Variants in XPO7 observed in about 807,000 individuals in gnomAD.
XPO7 encodes the protein exportin 7, also known as exportin-7.
XPO7 carries 21 observed loss-of-function variants against 144.3 expected under a neutral mutation model. The observed-to-expected ratio is 0.15, with a 90% confidence interval of 0.10 to 0.21. The LOEUF is 0.21. Ranked by LOEUF, XPO7 falls within the 10% of genes least tolerant of loss-of-function variation. The pLI is 1.00. For synonymous variants in XPO7, 580 were observed against 499.6 expected, an observed-to-expected ratio of 1.16 and a Z score of -2.15; for missense variants, 808 against 1,325.8, an observed-to-expected ratio of 0.61 and a Z score of 6.06.
intron 21 of XPO7, among the ~76,000 whole-genome samples, chr8:21,996,051 G>A (rs925570432): frequency 2.0e-5 from 3 of 152,138 alleles, no homozygotes; most frequent in Non-Finnish European, 4.4e-5. Context: ...TCCTGACCTC[G>A]TGATCCGCGT....
chr8:21,982,294 AT>A (rs914517653), intron 10 of XPO7, among the ~76,000 whole-genome samples: 1 of 152,142 alleles, frequency 6.6e-6, no homozygotes, highest in Non-Finnish European at 1.5e-5. Flanking sequence ...CTTGAGTCTT[AT>A]CCCCATAATT....
intron 15 of XPO7, chr8:21,988,344 G>A (rs117177873): frequency 0.017 from 2,689 of 157,356 alleles, 94 homozygotes; most frequent in South Asian, 0.16. Context: ...GCTGCTGTTT[G>A]AACTGTCTTC....
At chr8:21,977,198 C>T (rs571433802) in intron 7 of XPO7, among the ~76,000 whole-genome samples, 1 of 152,164 alleles carries the variant, frequency 6.6e-6, no homozygotes, top group African/African-American at 2.4e-5. Context: ...GTTTTAAATT[C>T]TTTTTATGGA....
Position 22,006,080 on chromosome 8 carries a change from TGTGTGGATGTATGC to T in XPO7, c.*1001_*1014del, listed in dbSNP as rs1336438481. The T allele has an allele frequency of 1.3e-5, 2 of 152,216 alleles. No individual in the cohort carries two copies. Among genetic ancestry groups the T allele is most frequent in the Non-Finnish European group, 2.9e-5 (2 of 68,028 alleles). 9.4% of individuals were successfully genotyped at this position (152,216 alleles called of 1,614,324 possible). ...GTCTTCCCCAGCCCTCGAGGCAGTG[TGTGTGGATGTATGC>T]GTGTGGATATTTATATATGTACCCT... On this transcript the variant is annotated 3_prime_UTR_variant, in exon 28 of 28. Transcript: ENST00000252512.
At chr8:21,989,803 G>C (rs189313598) in intron 16 of XPO7, among the ~76,000 whole-genome samples, 1 of 93,134 alleles carries the variant, frequency 1.1e-5, no homozygotes. Flanking sequence ...ACAAATAGGA[G>C]TTTGGTATAG....
chr8:21,987,305 G>A lies in XPO7; in HGVS notation c.1713+29G>A, dbSNP rs1158643213. ...ACAGCCTCTCAATTGGCTCCCCTTAGTTCTCACTTCTCACTTGTGGGATTG... is the reference window on the plus strand; with the variant it reads ...ACAGCCTCTCAATTGGCTCCCCTTAATTCTCACTTCTCACTTGTGGGATTG... On this transcript the variant is annotated intron_variant, in intron 14 of 27. Coordinates refer to ENST00000252512, the MANE Select transcript of XPO7 (RefSeq NM_015024.5). 4 of 1,613,254 alleles carry A rather than the reference G, an allele frequency of 2.5e-6. No individual in the cohort carries two copies. The African/African-American group carries it at 5.3e-5, about 22-fold the overall frequency.
Position 21,971,778 on chromosome 8 carries a change from T to C in XPO7, c.427-98T>C. The C allele has an allele frequency of 2.2e-6, 2 of 903,594 alleles. 1 individual carries two copies. The highest frequency in any genetic ancestry group is 3.3e-6 in the Non-Finnish European group (2 of 606,916). The allele number at this position is 903,594 out of a possible 1,614,324, so 56.0% of individuals were successfully genotyped here. A position where few individuals can be genotyped will look rare whatever the true frequency, so the allele number is the denominator to read the frequency against. On this transcript the variant is annotated intron_variant, in intron 4 of 27. Coordinates refer to ENST00000252512, the MANE Select transcript of XPO7 (RefSeq NM_015024.5). Reference sequence around the variant, plus strand: ...TGCCTTGTCTAGGCAGTTTTACTAATGACACAGGAACCCGTCATTCGAAAG... The same window carrying C: ...TGCCTTGTCTAGGCAGTTTTACTAACGACACAGGAACCCGTCATTCGAAAG...
intron 1 of XPO7, among the ~76,000 whole-genome samples, chr8:21,942,091 A>G (rs1811011578): frequency 6.6e-6 from 1 of 152,238 alleles, no homozygotes; most frequent in Non-Finnish European, 1.5e-5. Flanking sequence ...ACATTGCAAT[A>G]CTGGAGAAGA....
At chr8:21,946,551 AGAG>A (rs1811193578) in intron 1 of XPO7, among the ~76,000 whole-genome samples, 3 of 144,548 alleles carry the variant, frequency 2.1e-5, no homozygotes, top group Admixed American at 2.1e-4. Context: ...GAAAGACACT[AGAG>A]GAGAGGCTTT....
intron 16 of XPO7, among the ~76,000 whole-genome samples, chr8:21,989,872 T>C (rs1406769905): frequency 8.2e-6 from 1 of 122,390 alleles, no homozygotes; most frequent in Non-Finnish European, 1.6e-5. Flanking sequence ...TTTTTTGAGA[T>C]GGAGTCTTGC....
intron 19 of XPO7, among the ~76,000 whole-genome samples, chr8:21,993,927 C>CTCTCTCTCTCTCTG (rs1812851427): frequency 6.6e-6 from 1 of 151,162 alleles, no homozygotes; most frequent in South Asian, 2.1e-4. Flanking sequence ...CTCTCTCTCT[C>CTCTCTCTCTCTCTG]TCTCTCTCTC....
chr8:21,979,935 C>T (rs1812348686), intron 8 of XPO7, 149 bp from the exon 9 acceptor site: 1 of 1,014,650 alleles, frequency 9.9e-7, no homozygotes, highest in African/African-American at 1.7e-5. Context: ...CCGTGGTCTG[C>T]TTGGATCTAT....
In XPO7 at chr8:21,994,457, C is replaced by G. The variant is rs769339299; in HGVS notation, c.2237+6C>G. ...ATGATGCTCTTTGAATGGATGTATCCTAACTCAAACTAGGAGCACACTACA... is the reference window on the plus strand; with the variant it reads ...ATGATGCTCTTTGAATGGATGTATCGTAACTCAAACTAGGAGCACACTACA... On this transcript the variant is annotated splice_donor_region_variant and intron_variant, in intron 20 of 27. Transcript: ENST00000252512. 1 of 1,607,908 alleles carries G rather than the reference C, an allele frequency of 6.2e-7. No individual in the cohort carries two copies. Among genetic ancestry groups the G allele is most frequent in the South Asian group, 1.1e-5 (1 of 90,540 alleles).
At chr8:21,987,996 G>T (rs1812637525) in intron 15 of XPO7, 139 bp downstream of exon 15, 1 of 876,046 alleles carries the variant, frequency 1.1e-6, no homozygotes, top group Admixed American at 2.5e-5. Context: ...ATTTGAGTGT[G>T]TGACAAGCTG....
chr8:22,003,158 C>T (rs1813210232), intron 25 of XPO7, 61 bp from the exon 26 acceptor site: 3 of 1,328,160 alleles, frequency 2.3e-6, no homozygotes, highest in Non-Finnish European at 1.1e-6. Context: ...TGGAATCTGT[C>T]GTTTTATCTT....
chr8:21,965,997 A>G (rs144322575), intron 1 of XPO7, among the ~76,000 whole-genome samples: 65 of 152,166 alleles, frequency 4.3e-4, no homozygotes, highest in African/African-American at 1.5e-3. Context: ...GTGAAAGGTG[A>G]TATTGAAGTA....
intron 1 of XPO7, among the ~76,000 whole-genome samples, chr8:21,943,685 G>C (rs916568335): frequency 6.6e-6 from 1 of 152,018 alleles, no homozygotes; most frequent in Non-Finnish European, 1.5e-5. Flanking sequence ...GAGAATTCTT[G>C]TTTTCTCACC....
At chr8:21,960,645 C>A (rs1811696895) in intron 1 of XPO7, among the ~76,000 whole-genome samples, 2 of 152,222 alleles carry the variant, frequency 1.3e-5, no homozygotes, top group African/African-American at 4.8e-5. Context: ...ACGCCAGGCT[C>A]TGGCATAGCA....
At chr8:21,997,579 T>A (rs1305902180) in intron 21 of XPO7, among the ~76,000 whole-genome samples, 1 of 151,984 alleles carries the variant, frequency 6.6e-6, no homozygotes, top group Admixed American at 6.6e-5. Context: ...GGGGAGGCTG[T>A]GGGAGCAGGT....
Sources: allele counts gnomAD v4.1 joint callset (sites outside exome capture counted in the v4.1 genomes callset), GRCh38; gene constraint gnomAD v4.1.1; transcripts MANE v1.5; gene names NCBI Gene and HGNC (gene_info 2026-07-23, HGNC 2026-07-21).